The following ADAMTS1 variants were observed in gnomAD, a reference collection of about 807,000 sequenced individuals.
The protein encoded by ADAMTS1 is A disintegrin and metalloproteinase with thrombospondin motifs 1.
Under a neutral mutation model 87.9 loss-of-function variants are expected in ADAMTS1, and 19 were observed. The ratio of observed to expected loss-of-function variants is 0.22; its 90% CI spans 0.15 to 0.32. ADAMTS1 has a LOEUF of 0.32. Ranked by LOEUF, ADAMTS1 falls within the 10% of genes least tolerant of loss-of-function variation. ADAMTS1 has a pLI of 1.00. For missense variants in ADAMTS1, 1,240 were observed against 1,259.1 expected (o/e 0.98, Z 0.23); for synonymous variants, 542 against 501.8 (o/e 1.08, Z -1.07).
rs147119544 is a variant in ADAMTS1 at position 26,839,601 on chromosome 21, C to T, written c.2014G>A (p.Val672Ile). The change falls in exon 7 of 9, where the codon GTT (valine) becomes ATT (isoleucine). Residue 672 changes from valine (V) to isoleucine (I), a missense_variant. Coordinates refer to ENST00000284984, the MANE Select transcript of ADAMTS1 (RefSeq NM_006988.5). ...CQAKGIGYFF[V>I]LQPKVVDGTP... ...AAACGAACTACCTTGGGCTGCAAAA[C>T]GAAGAAGTAGCCAATGCCTTTGGCT... The T allele has an allele frequency of 5.0e-5, 80 of 1,600,244 alleles. No homozygotes were observed. The Admixed American group carries it at 9.0e-4, about 18-fold the overall frequency.
At chr21:26,839,825 A>T (rs773049651) in intron 6 of ADAMTS1, 50 bp downstream of exon 6, 2 of 1,605,090 alleles carry the variant, frequency 1.2e-6, no homozygotes, top group Non-Finnish European at 1.7e-6. Context: ...GTTTGTGGGT[A>T]CATCTTTTTT....
rs1305750424 is a variant in ADAMTS1 at position 26,836,766 on chromosome 21, TC to T, written c.*812del. ...ACAAGTTACTTCTTTACATCCATAT[TC>T]CCAAAGCAGGGTTACATGGTAGGAA... On this transcript the variant is annotated 3_prime_UTR_variant, in exon 9 of 9. Coordinates refer to ENST00000284984, the MANE Select transcript of ADAMTS1 (RefSeq NM_006988.5). 6.6e-6 allele frequency: 1 copy of T among 152,386 alleles called. No homozygotes were observed. The highest frequency in any genetic ancestry group is 2.4e-5 in the African/African-American group (1 of 41,444). The allele number at this position is 152,386 out of a possible 1,614,324, so 9.4% of individuals were successfully genotyped here. A position where few individuals can be genotyped will look rare whatever the true frequency, so the allele number is the denominator to read the frequency against.
Position 26,837,500 on chromosome 21 carries a change from C to G in ADAMTS1, c.*79G>C, listed in dbSNP as rs1985390879. 8.8e-6 allele frequency: 11 copies of G among 1,252,976 alleles called. No homozygotes were observed. The highest frequency in any genetic ancestry group is 4.2e-4 in the Middle Eastern group (2 of 4,762). 77.6% of individuals were successfully genotyped at this position (1,252,976 alleles called of 1,614,324 possible). A position where few individuals can be genotyped will look rare whatever the true frequency, so the allele number is the denominator to read the frequency against. On this transcript the variant is annotated 3_prime_UTR_variant, in exon 9 of 9. Coordinates refer to ENST00000284984, the MANE Select transcript of ADAMTS1 (RefSeq NM_006988.5). ...TGGTTACTGGCAAGATACGCTGGAT[C>G]CCTCCAGCCTTCTTGCTTTCCCTGC... is the stretch of plus-strand genomic sequence containing the variant.
At position 26,839,678 on chromosome 21, in the gene ADAMTS1, A is replaced by C; in HGVS notation, c.1937T>G (p.Ile646Ser). The C allele has an allele frequency of 6.2e-7, 1 of 1,613,986 alleles. No homozygotes were observed. Among genetic ancestry groups the C allele is most frequent in the Non-Finnish European group, 8.5e-7 (1 of 1,179,876 alleles). The change falls in exon 7 of 9, where the codon ATT (isoleucine) becomes AGT (serine). Residue 646 changes from isoleucine to serine, a missense_variant. Coordinates refer to ENST00000284984, the MANE Select transcript of ADAMTS1 (RefSeq NM_006988.5). ...TGGTGAGACGCCAGCGTACTTGGGAATCCATTCCACCGCAGGCCCACTCCC... is the reference window on the plus strand; with the variant it reads ...TGGTGAGACGCCAGCGTACTTGGGACTCCATTCCACCGCAGGCCCACTCCC... ...SFGSGPAVEW[I>S]PKYAGVSPKD...
In ADAMTS1 at chr21:26,841,061, G is replaced by A; in HGVS notation, c.1315C>T (p.His439Tyr). ...CTGCAAGGAGACCAAGGCTGGCTGT[G>A]GTCCAGGTTGGAAAGCATTGACGCC... Reference protein sequence around the residue: ...MMASMLSNLDHSQPWSPCSAY... With the variant: ...MMASMLSNLDYSQPWSPCSAY... The change falls in exon 4 of 9, where the codon CAC becomes TAC. Residue 439 changes from histidine to tyrosine, a missense_variant. His to Tyr is a moderately conservative substitution (Grantham distance 83). This residue lies in a region of ADAMTS1 where 317 missense variants were observed against 410.3 expected (regional missense o/e 0.77). Transcript: ENST00000284984. The A allele has an allele frequency of 6.2e-7, 1 of 1,614,210 alleles. No homozygotes were observed. Among genetic ancestry groups the A allele is most frequent in the Non-Finnish European group, 8.5e-7 (1 of 1,180,036 alleles).
intron 7 of ADAMTS1, chr21:26,839,369 T>C (rs9977992): frequency 0.034 from 15,229 of 453,412 alleles, 376 homozygotes; most frequent in African/African-American, 0.085. Flanking sequence ...TAGCGAGCAA[T>C]TGCAAGCATG....
In ADAMTS1 at chr21:26,840,361, G is replaced by C; in HGVS notation, c.1580C>G (p.Pro527Arg). 2 of 1,614,148 alleles carry C rather than the reference G, an allele frequency of 1.2e-6. No homozygotes were observed. Among genetic ancestry groups the C allele is most frequent in the Non-Finnish European group, 8.5e-7 (1 of 1,180,038 alleles). Residue 527 changes from proline (P) to arginine (R), a missense_variant, in exon 5 of 9, where the codon CCG becomes CGG. Coordinates refer to ENST00000284984, the MANE Select transcript of ADAMTS1 (RefSeq NM_006988.5). ...TCCACAGCTGGTGCCATCCGCCCACGGGAAGTGTTTGGTTTGACACACCAG... is the reference window on the plus strand; with the variant it reads ...TCCACAGCTGGTGCCATCCGCCCACCGGAAGTGTTTGGTTTGACACACCAG... ...GVLVCQTKHF[P>R]WADGTSCGEG... is the part of the protein sequence containing the mutation.
chr21:26,844,753 C>T lies in ADAMTS1; in HGVS notation c.202G>A (p.Ala68Thr), dbSNP rs1211478852. 2.6e-6 allele frequency: 4 copies of T among 1,557,628 alleles called. No individual in the cohort carries two copies. In the African/African-American group the frequency reaches 5.4e-5, roughly 21 times the overall value. The part of the protein sequence containing the change: ...EELVVPELER[A>T]PGHGTTRLRL... Reference sequence around the variant, plus strand: ...AGGCGCGTGGTCCCGTGTCCCGGGGCGCGCTCCAGCTCCGGCACCACTAGC... The same window carrying T: ...AGGCGCGTGGTCCCGTGTCCCGGGGTGCGCTCCAGCTCCGGCACCACTAGC... The change falls in exon 1 of 9, where the codon GCC becomes ACC. Residue 68 changes from alanine to threonine, a missense_variant. This residue lies in a region of ADAMTS1 where 521 missense variants were observed against 449.7 expected (regional missense o/e 1.16). Coordinates refer to ENST00000284984, the MANE Select transcript of ADAMTS1 (RefSeq NM_006988.5).
intron 1 of ADAMTS1, among the ~76,000 whole-genome samples, chr21:26,843,229 C>G (rs1326699599): frequency 6.6e-6 from 1 of 152,214 alleles, no homozygotes; most frequent in African/African-American, 2.4e-5. Context: ...CAAGGACCAC[C>G]CACTCTGCCC....
rs758427415 is a variant in ADAMTS1 at position 26,844,850 on chromosome 21, C to G, written c.105G>C (p.Thr35=). ...GTAGCGCCGCGGCGAGCAGCAGCAG[C>G]GTGGGTACTGGCCCAAAGCTCCGAG... ...PGSRSFGPVP[T]LLLLAAALLA... Residue 35 remains threonine, a synonymous_variant, in exon 1 of 9, where the codon ACG becomes ACC. Transcript: ENST00000284984. 5.1e-6 allele frequency: 8 copies of G among 1,560,842 alleles called. No homozygotes were observed. The highest frequency in any genetic ancestry group is 3.4e-4 in the Middle Eastern group (2 of 5,968).
chr21:26,843,504 G>A (rs934152875), intron 1 of ADAMTS1: 1 of 331,708 alleles, frequency 3.0e-6, no homozygotes, highest in Non-Finnish European at 6.3e-6. Flanking sequence ...AATAAGCACT[G>A]CACAGAGAGA....
At position 26,839,979 on chromosome 21, in the gene ADAMTS1, A is replaced by G; in HGVS notation, c.1748T>C (p.Met583Thr). 2 of 1,613,962 alleles carry G rather than the reference A, an allele frequency of 1.2e-6. No homozygotes were observed. Among genetic ancestry groups the G allele is most frequent in the East Asian group, 2.2e-5 (1 of 44,848 alleles). Residue 583 changes from methionine (M) to threonine (T), a missense_variant, in exon 6 of 9, where the codon ATG (methionine) becomes ACG (threonine). Met to Thr is a moderately conservative substitution (Grantham distance 81, BLOSUM62 -1). This residue lies in a region of ADAMTS1 where 317 missense variants were observed against 410.3 expected (regional missense o/e 0.77). Coordinates refer to ENST00000284984, the MANE Select transcript of ADAMTS1 (RefSeq NM_006988.5). ...TGGGACTGGGTTGTCACATTCCCTC[A>G]TCGTGTACTGGACTCCTCCACCGCA... ...RTCGGGVQYT[M>T]RECDNPVPKN... is the part of the protein sequence containing the mutation.
chr21:26,844,966 G>T lies in ADAMTS1; in HGVS notation c.-12C>A. 6.7e-7 allele frequency: 1 copy of T among 1,498,058 alleles called. No homozygotes were observed. Among genetic ancestry groups the T allele is most frequent in the Non-Finnish European group, 8.9e-7 (1 of 1,127,004 alleles). 92.8% of individuals were successfully genotyped at this position (1,498,058 alleles called of 1,614,324 possible). A position where few individuals can be genotyped will look rare whatever the true frequency, so the allele number is the denominator to read the frequency against. On this transcript the variant is annotated 5_prime_UTR_variant, in exon 1 of 9. Coordinates refer to ENST00000284984, the MANE Select transcript of ADAMTS1 (RefSeq NM_006988.5). ...ACAGCTCGCTGCATTGGAGCCCCAG[G>T]AGACACCGCTCGTAGCAGCGCACGG...
rs1985365385 is a variant in ADAMTS1 at position 26,836,438 on chromosome 21, C to G, written c.*1141G>C. 6.6e-6 allele frequency: 1 copy of G among 152,458 alleles called. No individual in the cohort carries two copies. Among genetic ancestry groups the G allele is most frequent in the Non-Finnish European group, 1.5e-5 (1 of 68,004 alleles). The allele number at this position is 152,458 out of a possible 1,614,324, so 9.4% of individuals were successfully genotyped here. A position where few individuals can be genotyped will look rare whatever the true frequency, so the allele number is the denominator to read the frequency against. ...TGTTATTATAGGCATTTATTACTAA[C>G]TATAGTCCTTCTTGGAAGGAACACC... On this transcript the variant is annotated 3_prime_UTR_variant, in exon 9 of 9. Transcript: ENST00000284984.
rs770785305 is a variant in ADAMTS1 at position 26,842,394 on chromosome 21, G to A, written c.1022C>T (p.Pro341Leu). 1 of 1,614,072 alleles carries A rather than the reference G, an allele frequency of 6.2e-7. No homozygotes were observed. The highest frequency in any genetic ancestry group is 8.5e-7 in the Non-Finnish European group (1 of 1,180,046). The part of the protein sequence containing the change: ...NFCNWQKQHN[P>L]PSDRDAEHYD... ...GTGCTCTGCATCCCGGTCACTGGGT[G>A]GGTTGTGCTGCTTCTGCCAGTTGCA... Residue 341 changes from proline to leucine, a missense_variant, in exon 2 of 9, where the codon CCA becomes CTA. By Grantham distance (98) the Pro-to-Leu change is moderately conservative. Transcript: ENST00000284984.
Position 26,835,880 on chromosome 21 carries a change from TACTC to T in ADAMTS1, c.*1695_*1698del, listed in dbSNP as rs1432153618. On this transcript the variant is annotated 3_prime_UTR_variant, in exon 9 of 9. Coordinates refer to ENST00000284984, the MANE Select transcript of ADAMTS1 (RefSeq NM_006988.5). ...TAGAACACAGCCATGTCCATTCACTTACTCATTCTTTATGGCTAGTTTTGTGCTA... is the reference window on the plus strand; with the variant it reads ...TAGAACACAGCCATGTCCATTCACTTATTCTTTATGGCTAGTTTTGTGCTA... 1 of 152,220 alleles carries T rather than the reference TACTC, an allele frequency of 6.6e-6. No homozygotes were observed. The highest frequency in any genetic ancestry group is 2.4e-5 in the African/African-American group (1 of 41,456). The allele number at this position is 152,220 out of a possible 1,614,324, so 9.4% of individuals were successfully genotyped here. A position where few individuals can be genotyped will look rare whatever the true frequency, so the allele number is the denominator to read the frequency against.
chr21:26,843,383 C>T (rs1042790747), intron 1 of ADAMTS1: 18 of 435,344 alleles, frequency 4.1e-5, no homozygotes, highest in African/African-American at 2.9e-4. Flanking sequence ...GACCACTTTG[C>T]TCCCAGGAGC....
At position 26,841,087 on chromosome 21, in the gene ADAMTS1, A is replaced by T; in HGVS notation, c.1289T>A (p.Met430Lys). 2.5e-6 allele frequency: 4 copies of T among 1,614,208 alleles called. No homozygotes were observed. Among genetic ancestry groups the T allele is most frequent in the Non-Finnish European group, 3.4e-6 (4 of 1,180,046 alleles). ...LNGVNQDSHM[M>K]ASMLSNLDHS... is the part of the protein sequence containing the mutation. ...GTCCAGGTTGGAAAGCATTGACGCCATCATGTGGGAATCCTGGTTCACACC... is the reference window on the plus strand; with the variant it reads ...GTCCAGGTTGGAAAGCATTGACGCCTTCATGTGGGAATCCTGGTTCACACC... The change falls in exon 4 of 9, where the codon ATG becomes AAG. Residue 430 changes from methionine (M) to lysine (K), a missense_variant. Physicochemically the swap from Met to Lys is moderately conservative, Grantham distance 95. Around this residue, in one of 3 missense-constraint regions of ADAMTS1, gnomAD observed 317 missense variants for 410.3 expected, o/e 0.77. Coordinates refer to ENST00000284984, the MANE Select transcript of ADAMTS1 (RefSeq NM_006988.5).
At chr21:26,842,139 G>A in intron 2 of ADAMTS1, 149 bp from the exon 3 acceptor site, 1 of 1,094,080 alleles carries the variant, frequency 9.1e-7, no homozygotes. Context: ...CTTTAATCAA[G>A]CTTTTTTCTA....
Sources: gnomAD v4.1 joint callset for allele counts (sites outside exome capture counted in the v4.1 genomes callset) on GRCh38, gnomAD v4.1.1 for gene constraint, gnomAD v4.1.1 regional missense constraint, MANE v1.5 for transcripts, NCBI Gene and HGNC (gene_info 2026-07-23, HGNC 2026-07-21) for gene names.